The following TRHDE variants were observed in gnomAD, a reference collection of about 807,000 sequenced individuals.
The protein encoded by TRHDE is thyrotropin releasing hormone degrading enzyme.
Under a neutral mutation model 125.7 loss-of-function variants are expected in TRHDE, and 72 were observed. The observed-to-expected ratio is 0.57, with a 90% CI of 0.47 to 0.70. The LOEUF is 0.70. TRHDE is among the 30% of genes least tolerant of loss of function. The pLI, the probability that TRHDE is intolerant of heterozygous loss-of-function variation, is 0.00. For missense variants in TRHDE, 1,110 were observed against 1,327.1 expected (o/e 0.84, Z 2.54); for synonymous variants, 509 against 509.1 (o/e 1.00, Z 0.00).
chr12:72,126,116 G>C (rs1875707125), intron 2 of TRHDE, among the ~76,000 whole-genome samples: 1 of 152,086 alleles, frequency 6.6e-6, no homozygotes, highest in Non-Finnish European at 1.5e-5. Flanking sequence ...TAATTGCATA[G>C]CCGCACACAC....
At chr12:72,494,382 T>C (rs998628852) in intron 5 of TRHDE, among the ~76,000 whole-genome samples, 2 of 152,092 alleles carry the variant, frequency 1.3e-5, no homozygotes, top group Non-Finnish European at 2.9e-5. Context: ...TCACAACTAC[T>C]TGAATTGGCT....
At chr12:72,266,140 G>A (rs370848611) in intron 2 of TRHDE, among the ~76,000 whole-genome samples, 27 of 151,872 alleles carry the variant, frequency 1.8e-4, no homozygotes, top group Admixed American at 1.8e-3. Flanking sequence ...TGAAAGAATG[G>A]GGAATAAATG....
intron 7 of TRHDE, among the ~76,000 whole-genome samples, chr12:72,559,826 A>G (rs1870092630): frequency 6.6e-6 from 1 of 152,146 alleles, no homozygotes; most frequent in Admixed American, 6.5e-5. Context: ...ATGTGATTTC[A>G]TCTTGCCAAG....
chr12:72,545,244 A>G (rs937999997), intron 7 of TRHDE, among the ~76,000 whole-genome samples: 1 of 151,488 alleles, frequency 6.6e-6, no homozygotes, highest in African/African-American at 2.4e-5. Context: ...CTACTGTTCT[A>G]TGTAATCCAT....
intron 12 of TRHDE, among the ~76,000 whole-genome samples, chr12:72,583,863 T>A (rs1412146021): frequency 1.3e-5 from 2 of 151,554 alleles, no homozygotes; most frequent in East Asian, 3.9e-4. Context: ...CAGGTACTTA[T>A]GAGAAGTACA....
intron 5 of TRHDE, 115 bp from the exon 6 acceptor site, chr12:72,499,383 C>A: frequency 7.5e-7 from 1 of 1,325,950 alleles, no homozygotes; most frequent in Non-Finnish European, 1.0e-6. Flanking sequence ...TTGAGTCATG[C>A]CTTGGAAGAC....
intron 4 of TRHDE, among the ~76,000 whole-genome samples, chr12:72,472,450 A>G (rs1876693150): frequency 1.3e-5 from 2 of 152,126 alleles, no homozygotes; most frequent in African/African-American, 4.8e-5. Flanking sequence ...TTTGGTTTAA[A>G]TCCTTATTAT....
rs760459649 is a variant in TRHDE, at chr12:72,286,867, A to G, written c.1101A>G (p.Ser367=). 6.2e-7 allele frequency: 1 copy of G among 1,613,938 alleles called. No individual in the cohort carries two copies. Among genetic ancestry groups the G allele is most frequent in the East Asian group, 2.2e-5 (1 of 44,860 alleles). Residue 367 remains serine (S), a synonymous_variant, in exon 2 of 19, where the codon TCA becomes TCG. Coordinates refer to ENST00000261180, the MANE Select transcript of TRHDE (RefSeq NM_013381.3). ...EEDGWVTDHF[S]QTPLMSTYYL... ...ATGGATGGGTTACGGATCACTTTTC[A>G]CAGACCCCTCTCATGTCCACATATT...
chr12:72,631,972 G>A (rs777727409), intron 15 of TRHDE, among the ~76,000 whole-genome samples: 5 of 151,982 alleles, frequency 3.3e-5, no homozygotes, highest in Middle Eastern at 3.4e-3. Flanking sequence ...GAAGTAGTAC[G>A]TTGATGGATA....
intron 2 of TRHDE, among the ~76,000 whole-genome samples, chr12:72,156,904 A>T (rs183624064): frequency 6.6e-6 from 1 of 152,194 alleles, no homozygotes; most frequent in Non-Finnish European, 1.5e-5. Context: ...CTAGCATCAC[A>T]TAATAGAATG....
chr12:72,139,969 A>G (rs781587502), intron 2 of TRHDE, among the ~76,000 whole-genome samples: 2 of 152,252 alleles, frequency 1.3e-5, no homozygotes, highest in Non-Finnish European at 2.9e-5. Context: ...TCATGGCAAT[A>G]ACATACCAAC....
chr12:72,282,158 G>A (rs376077077), intron 1 of TRHDE, among the ~76,000 whole-genome samples: 2 of 152,244 alleles, frequency 1.3e-5, no homozygotes, highest in East Asian at 3.9e-4. Flanking sequence ...TAGGAAAGCA[G>A]GAGAATAACA....
intron 2 of TRHDE, among the ~76,000 whole-genome samples, chr12:72,228,742 C>T (rs1878187472): frequency 6.6e-6 from 1 of 152,122 alleles, no homozygotes; most frequent in Non-Finnish European, 1.5e-5. Flanking sequence ...TAACAATATC[C>T]AAGTCATCTC....
At chr12:72,657,509 G>C (rs1592600083) in intron 18 of TRHDE, among the ~76,000 whole-genome samples, 2 of 152,148 alleles carry the variant, frequency 1.3e-5, no homozygotes, top group East Asian at 3.8e-4. Flanking sequence ...CTTAAGCGTA[G>C]AAAGGAGCAT....
chr12:72,138,219 C>CA lies in TRHDE; in HGVS notation n.279+32473dup, dbSNP rs1232396295. The stretch of plus-strand genomic sequence containing the variant: ...GTGAAACCCTGTCTCTACTAAAATA[C>CA]AAAAAATTAGCCACACGTGGTGGTA... On this transcript the variant is annotated intron_variant and non_coding_transcript_variant, in intron 2 of 4. Coordinates refer to the TRHDE transcript ENST00000548156. Among the ~76,000 whole-genome samples, 3 of 151,998 alleles carry CA rather than the reference C, an allele frequency of 2.0e-5. No homozygotes were observed. The East Asian group carries it at 5.8e-4, about 29-fold the overall frequency.
chr12:72,246,321 C>G (rs1401112837), intron 2 of TRHDE, among the ~76,000 whole-genome samples: 1 of 152,104 alleles, frequency 6.6e-6, no homozygotes, highest in Non-Finnish European at 1.5e-5. Flanking sequence ...TTTTCCATCT[C>G]TGACTTCTGA....
At chr12:72,590,988 G>C (rs952796495) in intron 12 of TRHDE, among the ~76,000 whole-genome samples, 1 of 152,172 alleles carries the variant, frequency 6.6e-6, no homozygotes, top group African/African-American at 2.4e-5. Flanking sequence ...AGAAAAAGGG[G>C]TTTAATCAAC....
chr12:72,626,674 G>A (rs558013622), intron 15 of TRHDE, among the ~76,000 whole-genome samples: 6 of 151,902 alleles, frequency 3.9e-5, no homozygotes, highest in Admixed American at 1.3e-4. Context: ...CATGGCAAAT[G>A]TCCCTTTGTC....
chr12:72,229,510 G>A (rs1878205743), intron 2 of TRHDE, among the ~76,000 whole-genome samples: 1 of 152,122 alleles, frequency 6.6e-6, no homozygotes, highest in Non-Finnish European at 1.5e-5. Context: ...ATATCAATAT[G>A]CATCCAGAGA....
Sources: gnomAD v4.1 joint callset for allele counts (sites outside exome capture counted in the v4.1 genomes callset) on GRCh38, gnomAD v4.1.1 for gene constraint, MANE v1.5 for transcripts, NCBI Gene and HGNC (gene_info 2026-07-23, HGNC 2026-07-21) for gene names.